Variants in CCT3 observed in about 807,000 individuals in gnomAD.
CCT3 encodes T-complex protein 1 subunit gamma.
CCT3 carries 10 observed loss-of-function variants against 65.3 expected under a neutral mutation model. That is an observed-to-expected ratio of 0.15 (90% CI 0.09 to 0.26). CCT3 has a LOEUF of 0.26. CCT3 is among the 10% of genes least tolerant of loss of function. The pLI, the probability that CCT3 is intolerant of heterozygous loss-of-function variation, is 1.00. For missense variants in CCT3, 626 were observed against 708.7 expected (o/e 0.88, Z 1.33); for synonymous variants, 225 against 242.3 (o/e 0.93, Z 0.66).
intron 1 of CCT3, 119 bp downstream of exon 1, chr1:156,338,035 G>A: frequency 9.0e-7 from 1 of 1,114,426 alleles, no homozygotes; most frequent in Non-Finnish European, 1.3e-6. Context: ...CCAAAATGAA[G>A]ACGATGATTG....
intron 5 of CCT3, among the ~76,000 whole-genome samples, chr1:156,325,490 T>C (rs1664760434): frequency 2.0e-5 from 3 of 152,058 alleles, no homozygotes; most frequent in Admixed American, 1.3e-4. Context: ...ACCGCACCAT[T>C]GCACTCCAAT....
At chr1:156,322,951 G>C (rs906623252) in intron 6 of CCT3, among the ~76,000 whole-genome samples, 1 of 151,990 alleles carries the variant, frequency 6.6e-6, no homozygotes, top group African/African-American at 2.4e-5. Context: ...AAAATAATTA[G>C]ATCAAACACC....
At chr1:156,331,993 T>C (rs544232954) in intron 5 of CCT3, among the ~76,000 whole-genome samples, 1 of 151,198 alleles carries the variant, frequency 6.6e-6, no homozygotes, top group East Asian at 2.0e-4. Flanking sequence ...GATTGTGCCA[T>C]TGCACTCCAG....
At position 156,321,502 on chromosome 1, in the gene CCT3, TTACTG is replaced by T. The variant is rs1272720105; in HGVS notation, c.423-482_423-478del. 9.8e-5 allele frequency among the ~76,000 whole-genome samples: 15 copies of T among 152,356 alleles called. No homozygotes were observed. In the South Asian group the frequency reaches 2.9e-3, roughly 29 times the overall value. ...AACTGGTCATCTTTGTGTTTTTATG[TTACTG>T]TAAACACATTTTATGTATTTACCAT... On this transcript the variant is annotated intron_variant, in intron 6 of 13. Coordinates refer to ENST00000295688, the MANE Select transcript of CCT3 (RefSeq NM_005998.5).
intron 5 of CCT3, among the ~76,000 whole-genome samples, chr1:156,330,310 T>C (rs1665052563): frequency 6.6e-6 from 1 of 152,226 alleles, no homozygotes; most frequent in African/African-American, 2.4e-5. Flanking sequence ...GATCTAAAGA[T>C]GGACTAGTTG....
chr1:156,336,862 T>C (rs1665399074), intron 1 of CCT3, among the ~76,000 whole-genome samples: 2 of 152,160 alleles, frequency 1.3e-5, no homozygotes, highest in South Asian at 4.1e-4. Context: ...ACCAAAAACC[T>C]GCATGGACCT....
At chr1:156,322,471 G>A (rs116197832) in intron 6 of CCT3, among the ~76,000 whole-genome samples, 5,810 of 151,886 alleles carry the variant, frequency 0.038, 144 homozygotes, top group Non-Finnish European at 0.057. Context: ...ACTCCAGCCT[G>A]GAAAACAGAG....
At chr1:156,335,934 C>T (rs375633950) in intron 1 of CCT3, 46 bp from the exon 2 acceptor site, 77 of 1,427,294 alleles carry the variant, frequency 5.4e-5, no homozygotes, top group Admixed American at 1.6e-4. Context: ...ACTGCCCCAT[C>T]GTACACAAGC....
chr1:156,338,076 G>C (rs1665529586), intron 1 of CCT3, 78 bp downstream of exon 1: 1 of 1,486,786 alleles, frequency 6.7e-7, no homozygotes, highest in Non-Finnish European at 9.2e-7. Flanking sequence ...AGTGGGGGAC[G>C]GAGCTGGGGC....
At chr1:156,314,884 C>G (rs1308030893) in intron 10 of CCT3, among the ~76,000 whole-genome samples, 1 of 152,172 alleles carries the variant, frequency 6.6e-6, no homozygotes, top group Non-Finnish European at 1.5e-5. Context: ...TTCAAGACTG[C>G]TTTTGACTTC....
chr1:156,329,044 A>G (rs959598942), intron 5 of CCT3, among the ~76,000 whole-genome samples: 5 of 152,220 alleles, frequency 3.3e-5, no homozygotes, highest in Non-Finnish European at 7.3e-5. Flanking sequence ...CAGTGGTCCC[A>G]TAAGATTATA....
intron 5 of CCT3, among the ~76,000 whole-genome samples, chr1:156,331,298 G>A (rs992483336): frequency 3.3e-5 from 5 of 151,848 alleles, no homozygotes; most frequent in African/African-American, 1.2e-4. Context: ...AGGCAAGCCT[G>A]GGCAACATGA....
intron 5 of CCT3, among the ~76,000 whole-genome samples, chr1:156,326,267 T>G (rs1390760528): frequency 6.6e-6 from 1 of 152,120 alleles, no homozygotes; most frequent in African/African-American, 2.4e-5. Context: ...AGGTCAAGGC[T>G]GCAGTGAGCC....
chr1:156,334,741 G>C lies in CCT3; in HGVS notation c.179C>G (p.Thr60Ser), dbSNP rs1234597211. ...LLDPMGGIVM[T>S]NDGNAILREI... ...TCGAAGAATGGCATTGCCATCATTG[G>C]TCATCACAATGCCTCCCATTGGGTC... The change falls in exon 4 of 14, where the codon ACC becomes AGC. Residue 60 changes from threonine to serine, a missense_variant. By Grantham distance (58) the Thr-to-Ser change is moderately conservative (BLOSUM62 1). Transcript: ENST00000295688. 1 of 1,613,920 alleles carries C rather than the reference G, an allele frequency of 6.2e-7. No individual in the cohort carries two copies. Among genetic ancestry groups the C allele is most frequent in the Non-Finnish European group, 8.5e-7 (1 of 1,179,986 alleles).
intron 4 of CCT3, 97 bp downstream of exon 4, chr1:156,334,616 A>G: frequency 9.4e-7 from 1 of 1,066,442 alleles, no homozygotes; most frequent in South Asian, 1.4e-5. Context: ...CTGTTATAGC[A>G]GCCCTAAAAA....
chr1:156,326,937 T>C (rs1664840802), intron 5 of CCT3, among the ~76,000 whole-genome samples: 4 of 152,102 alleles, frequency 2.6e-5, no homozygotes, highest in African/African-American at 7.2e-5. Context: ...TCCCAGCTAG[T>C]TGGGAGGCTG....
intron 1 of CCT3, chr1:156,337,910 C>T: frequency 1.8e-6 from 1 of 552,352 alleles, no homozygotes; most frequent in Non-Finnish European, 3.2e-6. Context: ...TGGGAAAGAG[C>T]TTCCCAAGAC....
At chr1:156,323,504 G>T (rs1327293943) in intron 6 of CCT3, among the ~76,000 whole-genome samples, 1 of 151,844 alleles carries the variant, frequency 6.6e-6, no homozygotes, top group African/African-American at 2.4e-5. Flanking sequence ...TCGCTCTGTC[G>T]CCCAGCCTGG....
rs747339051 is a variant in CCT3, at chr1:156,311,070, C to G, written c.1281G>C (p.Lys427Asn). ...GCCATTGTTCCACACCAGTCATGGC[C>G]TTGGATTTTTCTGTCAAGGCATGGG... ...AVAHALTEKS[K>N]AMTGVEQWPY... The change falls in exon 12 of 14, where the codon AAG becomes AAC. Residue 427 changes from lysine (K) to asparagine (N), a missense_variant. Coordinates refer to ENST00000295688, the MANE Select transcript of CCT3 (RefSeq NM_005998.5). 1.9e-6 allele frequency: 3 copies of G among 1,614,056 alleles called. No homozygotes were observed. Among genetic ancestry groups the G allele is most frequent in the Non-Finnish European group, 8.5e-7 (1 of 1,180,020 alleles).
Sources: gnomAD v4.1 joint callset for allele counts (sites outside exome capture counted in the v4.1 genomes callset) on GRCh38, gnomAD v4.1.1 for gene constraint, MANE v1.5 for transcripts, NCBI Gene and HGNC (gene_info 2026-07-23, HGNC 2026-07-21) for gene names.